The following SHISAL1 variants were observed in gnomAD, a reference collection of about 807,000 sequenced individuals.
The protein encoded by SHISAL1 is shisa like 1.
A neutral mutation model predicts 22.6 loss-of-function variants in SHISAL1; 9 were observed. The observed-to-expected ratio is 0.40, with a 90% CI of 0.24 to 0.70. The LOEUF is 0.70. Ranked by LOEUF, SHISAL1 falls within the 30% of genes least tolerant of loss-of-function variation. The pLI is 0.39. For missense variants in SHISAL1, 246 were observed against 270.6 expected, an observed-to-expected ratio of 0.91 and a Z score of 0.64; for synonymous variants, 119 against 115.4, an observed-to-expected ratio of 1.03 and a Z score of -0.20.
At chr22:44,250,575 T>TA (rs1203548964) in intron 4 of SHISAL1, among the ~76,000 whole-genome samples, 1 of 152,156 alleles carries the variant, frequency 6.6e-6, no homozygotes, top group African/African-American at 2.4e-5. Context: ...CACAAATACT[T>TA]ACCTTCCCCG....
At chr22:44,267,700 C>T (rs2055173942) in intron 4 of SHISAL1, among the ~76,000 whole-genome samples, 1 of 152,260 alleles carries the variant, frequency 6.6e-6, no homozygotes, top group Admixed American at 6.5e-5. Context: ...CTCCCCCACA[C>T]TCATGCCACC....
chr22:44,272,673 T>C (rs2055213200), intron 4 of SHISAL1, among the ~76,000 whole-genome samples: 1 of 152,220 alleles, frequency 6.6e-6, no homozygotes, highest in South Asian at 2.1e-4. Context: ...TCTGCCCTGC[T>C]TTCTTTGCCT....
chr22:44,296,915 G>A (rs2055391127), intron 2 of SHISAL1, 30 bp from the exon 3 acceptor site: 1 of 1,579,476 alleles, frequency 6.3e-7, no homozygotes, highest in Non-Finnish European at 8.7e-7. Context: ...GGCTCAGAGG[G>A]GTCCCTCACC....
chr22:44,306,183 C>T (rs2055470305), intron 1 of SHISAL1, among the ~76,000 whole-genome samples: 1 of 152,226 alleles, frequency 6.6e-6, no homozygotes, highest in South Asian at 2.1e-4. Context: ...AGTTCAATAG[C>T]ACTGATGTTC....
upstream of SHISAL1, among the ~76,000 whole-genome samples, chr22:44,314,973 G>A (rs1350843799): frequency 1.3e-5 from 2 of 152,200 alleles, no homozygotes; most frequent in African/African-American, 4.8e-5. Context: ...AAAAAGAACT[G>A]TAAATAAAAT....
intron 4 of SHISAL1, among the ~76,000 whole-genome samples, chr22:44,283,284 A>T (rs983792734): frequency 7.9e-5 from 12 of 152,216 alleles, no homozygotes; most frequent in Non-Finnish European, 1.6e-4. Flanking sequence ...AGGAAAGACG[A>T]AGAGCCTCTG....
chr22:44,324,514 T>C, the SHISAL1 span, among the ~76,000 whole-genome samples: 1 of 152,210 alleles, frequency 6.6e-6, no homozygotes, highest in African/African-American at 2.4e-5. Flanking sequence ...GTTAACAGTA[T>C]CAAAGTGAGA....
intron 4 of SHISAL1, among the ~76,000 whole-genome samples, chr22:44,277,144 T>C (rs1601788551): frequency 6.6e-6 from 1 of 152,344 alleles, no homozygotes; most frequent in South Asian, 2.1e-4. Context: ...GGACCGTGAA[T>C]GCTGGGACAG....
chr22:44,289,167 G>A (rs931123412), intron 3 of SHISAL1, among the ~76,000 whole-genome samples: 5 of 152,222 alleles, frequency 3.3e-5, no homozygotes, highest in African/African-American at 1.2e-4. Flanking sequence ...CCATGAGGGA[G>A]GAGCTAGTGT....
At chr22:44,302,311 G>GCC (rs2055436105) in intron 1 of SHISAL1, among the ~76,000 whole-genome samples, 1 of 139,482 alleles carries the variant, frequency 7.2e-6, no homozygotes, top group Admixed American at 7.4e-5. Flanking sequence ...TTGCACTCCA[G>GCC]CCTGGGCGAC....
intron 1 of SHISAL1, among the ~76,000 whole-genome samples, chr22:44,303,549 TTC>T (rs1430077163): frequency 2.6e-5 from 4 of 152,022 alleles, no homozygotes; most frequent in African/African-American, 9.7e-5. Flanking sequence ...CAGGAACAGA[TTC>T]ACCCCTACAG....
At chr22:44,327,189 C>T in the SHISAL1 span, among the ~76,000 whole-genome samples, 42,300 of 150,996 alleles carry the variant, frequency 0.28, 6,600 homozygotes, top group East Asian at 0.49. Flanking sequence ...GGCACTGTCT[C>T]TGTCTACCAC....
intron 3 of SHISAL1, among the ~76,000 whole-genome samples, chr22:44,293,654 G>A (rs142453065): frequency 2.0e-3 from 308 of 152,246 alleles, no homozygotes; most frequent in African/African-American, 7.1e-3. Context: ...ACCACGAACC[G>A]TTGCCTTCCT....
At chr22:44,276,112 G>A (rs2055238038) in intron 4 of SHISAL1, among the ~76,000 whole-genome samples, 1 of 152,230 alleles carries the variant, frequency 6.6e-6, no homozygotes, top group Non-Finnish European at 1.5e-5. Context: ...TGCACATGAT[G>A]AGGCAGCTGA....
the SHISAL1 span, among the ~76,000 whole-genome samples, chr22:44,323,715 C>T: frequency 3.3e-5 from 5 of 152,328 alleles, no homozygotes; most frequent in Non-Finnish European, 7.3e-5. Context: ...TTCTCAGCAA[C>T]CTGTCCAAAG....
At chr22:44,327,240 G>GCGCA in the SHISAL1 span, among the ~76,000 whole-genome samples, 17 of 145,016 alleles carry the variant, frequency 1.2e-4, no homozygotes, top group Non-Finnish European at 2.3e-4. Context: ...TGGGGGGCGC[G>GCGCA]CACACACACA....
chr22:44,263,079 CTT>C (rs922017518), intron 4 of SHISAL1, among the ~76,000 whole-genome samples: 21 of 88,252 alleles, frequency 2.4e-4, no homozygotes, highest in South Asian at 5.1e-4. Context: ...TTCTTTCTTT[CTT>C]TTTTTTTTTT....
intron 4 of SHISAL1, among the ~76,000 whole-genome samples, chr22:44,250,858 T>C (rs2055042722): frequency 1.3e-5 from 2 of 152,210 alleles, no homozygotes; most frequent in Non-Finnish European, 2.9e-5. Context: ...TAAACCATCT[T>C]CAACTAAATG....
At chr22:44,269,472 G>A (rs111213355) in intron 4 of SHISAL1, among the ~76,000 whole-genome samples, 16 of 136,090 alleles carry the variant, frequency 1.2e-4, no homozygotes, top group East Asian at 2.2e-4. Flanking sequence ...CCCACAACAC[G>A]CGCACACACA....
Sources: allele counts gnomAD v4.1 joint callset (sites outside exome capture counted in the v4.1 genomes callset), GRCh38; gene constraint gnomAD v4.1.1; transcripts MANE v1.5; gene names NCBI Gene and HGNC (gene_info 2026-07-23, HGNC 2026-07-21).